ZFR2: variants seen among roughly 807,000 people sequenced by gnomAD.
The protein encoded by ZFR2 is zinc finger RNA-binding protein 2.
In ZFR2, 104 loss-of-function variants were observed where a neutral mutation model predicts 105.7. That is an observed-to-expected ratio of 0.98 (90% CI 0.84 to 1.16). The LOEUF is 1.16. Ranked by LOEUF, ZFR2 falls within the 50% of genes most tolerant of loss-of-function variation. The pLI, the probability that ZFR2 is intolerant of heterozygous loss-of-function variation, is 0.00. For synonymous variants in ZFR2, 634 were observed against 597.7 expected, an observed-to-expected ratio of 1.06 and a Z score of -0.89; for missense variants, 1,425 against 1,355.5, an observed-to-expected ratio of 1.05 and a Z score of -0.80.
At chr19:3,811,567 G>A (rs1441402039) in intron 14 of ZFR2, among the ~76,000 whole-genome samples, 1 of 151,654 alleles carries the variant, frequency 6.6e-6, no homozygotes, top group Non-Finnish European at 1.5e-5. Flanking sequence ...TGATTCTCCT[G>A]CCTCAGCCTT....
intron 16 of ZFR2, among the ~76,000 whole-genome samples, chr19:3,809,944 C>CA (rs1470899579): frequency 6.6e-6 from 1 of 150,974 alleles, no homozygotes; most frequent in East Asian, 2.0e-4. Flanking sequence ...GACTCCATCT[C>CA]AAAAAAATGA....
At chr19:3,848,172 G>A (rs1377687435) in intron 1 of ZFR2, among the ~76,000 whole-genome samples, 3 of 152,222 alleles carry the variant, frequency 2.0e-5, no homozygotes, top group African/African-American at 7.2e-5. Context: ...AGTACTTTGG[G>A]AGGCCGAGGC....
intron 1 of ZFR2, among the ~76,000 whole-genome samples, chr19:3,867,141 C>CG (rs34439958): frequency 0.52 from 79,075 of 151,914 alleles, 20,742 homozygotes; most frequent in Non-Finnish European, 0.55. Context: ...AGGAACACCG[C>CG]GGGGGGCAAA....
intron 1 of ZFR2, among the ~76,000 whole-genome samples, chr19:3,862,275 T>C (rs1160920995): frequency 6.6e-6 from 1 of 152,226 alleles, no homozygotes; most frequent in African/African-American, 2.4e-5. Flanking sequence ...AATTTACTTC[T>C]GCCCCAGTAT....
chr19:3,833,225 G>C (rs2038037724), intron 3 of ZFR2, among the ~76,000 whole-genome samples: 1 of 148,014 alleles, frequency 6.8e-6, no homozygotes, highest in African/African-American at 2.5e-5. Context: ...CTCCAGCCTG[G>C]GCAACAGAGT....
rs747379561 is a variant in ZFR2 at position 3,834,740 on chromosome 19, C to A, written c.264+33G>T. The A allele has an allele frequency of 6.2e-7, 1 of 1,604,422 alleles. No individual in the cohort carries two copies. The highest frequency in any genetic ancestry group is 8.5e-7 in the Non-Finnish European group (1 of 1,176,906). On this transcript the variant is annotated intron_variant, in intron 2 of 18. Transcript: ENST00000262961. This position sits in a 1 kb window ranked among gnomAD's most constrained non-coding sequence, Gnocchi z 5.3. The stretch of plus-strand genomic sequence containing the variant: ...ACCCATGCAAGGCGACCCACGTTTC[C>A]CGGCAACGCTGGTCAAAGAAAGGAC...
At chr19:3,837,637 T>C (rs1322445855) in intron 1 of ZFR2, among the ~76,000 whole-genome samples, 1 of 138,698 alleles carries the variant, frequency 7.2e-6, no homozygotes, top group Non-Finnish European at 1.5e-5. Flanking sequence ...ACACCATGAC[T>C]ATGGGACACC....
intron 1 of ZFR2, among the ~76,000 whole-genome samples, chr19:3,856,490 C>T (rs2038303540): frequency 6.6e-6 from 1 of 152,140 alleles, no homozygotes; most frequent in Non-Finnish European, 1.5e-5. Flanking sequence ...GCTGTGCAAA[C>T]ATCACCTCTA....
In ZFR2 at chr19:3,834,698, G is replaced by C; in HGVS notation, c.264+75C>G. On this transcript the variant is annotated intron_variant, in intron 2 of 18. Transcript: ENST00000262961. The surrounding 1 kb of genome is among the most constrained non-coding windows in gnomAD (Gnocchi z 5.3). ...AGGCCTGGGAGAAGGAGTAGCTGTG[G>C]GAAGCCCACCGCTCTCACCCATGCA... 1.1e-5 allele frequency: 16 copies of C among 1,458,906 alleles called. No homozygotes were observed. Among genetic ancestry groups the C allele is most frequent in the Non-Finnish European group, 1.4e-5 (15 of 1,062,266 alleles). The allele number at this position is 1,458,906 out of a possible 1,614,324, so 90.4% of individuals were successfully genotyped here. A position where few individuals can be genotyped will look rare whatever the true frequency, so the allele number is the denominator to read the frequency against.
chr19:3,814,253 T>C (rs2037802446), intron 13 of ZFR2, among the ~76,000 whole-genome samples: 1 of 151,910 alleles, frequency 6.6e-6, no homozygotes. Flanking sequence ...AGCAATCCAA[T>C]AAAAAAATTG....
At chr19:3,843,508 A>G (rs564134572) in intron 1 of ZFR2, among the ~76,000 whole-genome samples, 3 of 148,898 alleles carry the variant, frequency 2.0e-5, no homozygotes, top group Admixed American at 2.0e-4. Context: ...TGGTCCATCC[A>G]CACAGTGAAA....
At chr19:3,811,394 C>T (rs755646498) in intron 14 of ZFR2, 28 bp from the exon 15 acceptor site, 49 of 1,549,874 alleles carry the variant, frequency 3.2e-5, no homozygotes, top group East Asian at 9.7e-5. Context: ...TCGAGGTGTG[C>T]GGGGAAGGTG....
chr19:3,846,462 C>T (rs2038185641), intron 1 of ZFR2, among the ~76,000 whole-genome samples: 1 of 152,196 alleles, frequency 6.6e-6, no homozygotes, highest in African/African-American at 2.4e-5. Context: ...CGGGACAGAA[C>T]ATACTGTATT....
At chr19:3,861,329 TTTAAAA>T (rs2038371086) in intron 1 of ZFR2, among the ~76,000 whole-genome samples, 1 of 152,220 alleles carries the variant, frequency 6.6e-6, no homozygotes, top group Admixed American at 6.5e-5. Flanking sequence ...ATCTGGCAAC[TTTAAAA>T]TTAAAGTTGA....
rs765393435 is a variant in ZFR2 at position 3,819,120 on chromosome 19, C to T, written c.1856G>A (p.Arg619Gln). 8.7e-6 allele frequency: 14 copies of T among 1,611,606 alleles called. No individual in the cohort carries two copies. The highest frequency in any genetic ancestry group is 1.3e-5 in the African/African-American group (1 of 74,926). ...AVQRAVSHAERALKLVSDTLA... is the reference protein window; with the variant it reads ...AVQRAVSHAEQALKLVSDTLA... ...TGTGTCGGACACCAGCTTGAGGGCCCGCTCTGCGTGGGACACGGCCCTCTG... is the reference window on the plus strand; with the variant it reads ...TGTGTCGGACACCAGCTTGAGGGCCTGCTCTGCGTGGGACACGGCCCTCTG... Residue 619 changes from arginine to glutamine, a missense_variant, in exon 12 of 19, where the codon CGG becomes CAG. Transcript: ENST00000262961.
At chr19:3,817,296 C>T (rs1037067800) in intron 12 of ZFR2, among the ~76,000 whole-genome samples, 2 of 152,008 alleles carry the variant, frequency 1.3e-5, no homozygotes, top group African/African-American at 2.4e-5. Context: ...CAGTGGCTCA[C>T]GCCTGTAATC....
At chr19:3,847,240 C>T (rs72972996) in intron 1 of ZFR2, among the ~76,000 whole-genome samples, 8,523 of 152,086 alleles carry the variant, frequency 0.056, 297 homozygotes, top group Non-Finnish European at 0.081. Context: ...TTCATAGAGC[C>T]GGGGGCAGGG....
rs1017119824 is a variant in ZFR2 at position 3,861,454 on chromosome 19, G to A, written c.53+7511C>T. ...CCAGCCTGGCCGATGGCAAAACCCCGTCTCTACAAAAAAATACAACATTTA... is the reference window on the plus strand; with the variant it reads ...CCAGCCTGGCCGATGGCAAAACCCCATCTCTACAAAAAAATACAACATTTA... On this transcript the variant is annotated intron_variant, in intron 1 of 18. Coordinates refer to ENST00000262961, the MANE Select transcript of ZFR2 (RefSeq NM_015174.2). 1.9e-4 allele frequency among the ~76,000 whole-genome samples: 28 copies of A among 148,174 alleles called. No individual in the cohort carries two copies. In the East Asian group the frequency reaches 2.9e-3, roughly 15 times the overall value.
chr19:3,837,674 GATGAACACTGTGACCGTGACACTCA>G (rs2038092340), intron 1 of ZFR2, among the ~76,000 whole-genome samples: 2 of 145,318 alleles, frequency 1.4e-5, no homozygotes, highest in African/African-American at 2.6e-5. Flanking sequence ...CGTGACACTC[GATGAACACTGTGACCGTGACACTCA>G]ATGAACACCG....
Sources: allele counts gnomAD v4.1 joint callset (sites outside exome capture counted in the v4.1 genomes callset), GRCh38; gene constraint gnomAD v4.1.1; non-coding constraint Gnocchi (gnomAD v3.1); transcripts MANE v1.5; gene names NCBI Gene and HGNC (gene_info 2026-07-23, HGNC 2026-07-21).